NUDCD1: variants seen among roughly 807,000 people sequenced by gnomAD.
NUDCD1 encodes the protein NudC domain containing 1, also known as nudC domain-containing protein 1.
NUDCD1 carries 60 observed loss-of-function variants against 67.8 expected under a neutral mutation model. The ratio of observed to expected loss-of-function variants is 0.88; its 90% CI spans 0.72 to 1.10. The LOEUF (loss-of-function observed/expected upper bound fraction) is 1.10. NUDCD1 is among the 50% of genes least tolerant of loss of function. The probability of loss-of-function intolerance (pLI) is 0.00; values close to 1 mark genes in which losing one functional copy is unlikely to be tolerated. For synonymous variants in NUDCD1, 244 were observed against 230.8 expected, an observed-to-expected ratio of 1.06 and a Z score of -0.52; for missense variants, 643 against 695.0, an observed-to-expected ratio of 0.93 and a Z score of 0.84.
intron 7 of NUDCD1, among the ~76,000 whole-genome samples, chr8:109,272,089 A>C (rs1331638540): frequency 6.6e-6 from 1 of 152,130 alleles, no homozygotes; most frequent in Non-Finnish European, 1.5e-5. Flanking sequence ...TGAAAATGTC[A>C]ATCAACACAA....
chr8:109,256,773 A>G (rs970258237), intron 8 of NUDCD1, among the ~76,000 whole-genome samples: 1 of 152,152 alleles, frequency 6.6e-6, no homozygotes, highest in Non-Finnish European at 1.5e-5. Flanking sequence ...ACTGCAAGGG[A>G]AACATCTTTT....
chr8:109,311,420 G>C (rs560362063), intron 2 of NUDCD1, among the ~76,000 whole-genome samples: 33 of 151,738 alleles, frequency 2.2e-4, no homozygotes, highest in Admixed American at 3.9e-4. Flanking sequence ...CCCACTACTG[G>C]GTATCTACCC....
intron 4 of NUDCD1, among the ~76,000 whole-genome samples, chr8:109,291,912 G>A (rs1814721071): frequency 6.6e-6 from 1 of 152,062 alleles, no homozygotes; most frequent in Admixed American, 6.6e-5. Flanking sequence ...GCATGACAAT[G>A]TCTCCTGTAA....
Position 109,275,374 on chromosome 8 carries a change from A to G in NUDCD1, c.1151T>C (p.Met384Thr), listed in dbSNP as rs1814258193. Reference sequence around the variant, plus strand: ...TACCAGTTCTTCAGAGGTCAAATGCATCAAACGTTCAGCTATTGCAGCACA... The same window carrying G: ...TACCAGTTCTTCAGAGGTCAAATGCGTCAAACGTTCAGCTATTGCAGCACA... ...AQCAAIAERL[M>T]HLTSEELNPN... Residue 384 changes from methionine to threonine, a missense_variant, in exon 7 of 10, where the codon ATG (methionine) becomes ACG (threonine). Met to Thr is a moderately conservative substitution (Grantham distance 81, BLOSUM62 -1). Transcript: ENST00000239690. 5 of 1,613,364 alleles carry G rather than the reference A, an allele frequency of 3.1e-6. No homozygotes were observed. The highest frequency in any genetic ancestry group is 3.3e-5 in the Admixed American group (2 of 59,934).
intron 1 of NUDCD1, among the ~76,000 whole-genome samples, chr8:109,332,789 A>C (rs1398648187): frequency 6.6e-6 from 1 of 152,184 alleles, no homozygotes. Context: ...AAAAGGAAAA[A>C]AATAAAAAGA....
chr8:109,258,299 T>G (rs1411475196), intron 8 of NUDCD1, among the ~76,000 whole-genome samples: 2 of 152,156 alleles, frequency 1.3e-5, no homozygotes, highest in Non-Finnish European at 2.9e-5. Flanking sequence ...ACTGCACTGC[T>G]ATGTCACCCT....
chr8:109,314,732 T>C (rs996186301), intron 2 of NUDCD1, among the ~76,000 whole-genome samples: 2 of 152,100 alleles, frequency 1.3e-5, no homozygotes, highest in African/African-American at 4.8e-5. Flanking sequence ...TCAATATAGA[T>C]GTAATATAAA....
chr8:109,331,816 T>C (rs559894779), intron 1 of NUDCD1, among the ~76,000 whole-genome samples: 31 of 152,338 alleles, frequency 2.0e-4, no homozygotes, highest in Admixed American at 1.4e-3. Flanking sequence ...CTGAGTTTTA[T>C]TTTATATTGT....
chr8:109,256,013 C>T (rs553753708), intron 8 of NUDCD1, among the ~76,000 whole-genome samples: 1 of 151,930 alleles, frequency 6.6e-6, no homozygotes, highest in East Asian at 1.9e-4. Flanking sequence ...GAGTCTGATA[C>T]CTGCTTGGGC....
intron 8 of NUDCD1, among the ~76,000 whole-genome samples, chr8:109,261,688 T>C (rs771514194): frequency 1.3e-5 from 2 of 152,080 alleles, no homozygotes; most frequent in African/African-American, 2.4e-5. Flanking sequence ...CACAAAAACA[T>C]TGATTCATTG....
chr8:109,311,440 G>T (rs987753071), intron 2 of NUDCD1, among the ~76,000 whole-genome samples: 1 of 151,740 alleles, frequency 6.6e-6, no homozygotes, highest in Non-Finnish European at 1.5e-5. Context: ...CAGAGGAAAA[G>T]AAGTCATTAT....
intron 2 of NUDCD1, chr8:109,315,182 T>A (rs893904537): frequency 7.9e-6 from 1 of 127,236 alleles, no homozygotes; most frequent in African/African-American, 2.6e-5. Context: ...TACCCCACTC[T>A]TTATTTTTTT....
At chr8:109,251,771 C>A (rs1057236297) in intron 8 of NUDCD1, among the ~76,000 whole-genome samples, 13 of 152,094 alleles carry the variant, frequency 8.5e-5, no homozygotes, top group African/African-American at 2.9e-4. Context: ...CCACTTTTAT[C>A]CTTACAGTGT....
At chr8:109,323,499 T>C (rs1815589783) in intron 1 of NUDCD1, among the ~76,000 whole-genome samples, 1 of 152,048 alleles carries the variant, frequency 6.6e-6, no homozygotes, top group African/African-American at 2.4e-5. Flanking sequence ...ATATAAATCT[T>C]AAATAATTTT....
chr8:109,311,372 A>G (rs1023085154), intron 2 of NUDCD1, among the ~76,000 whole-genome samples: 3 of 152,030 alleles, frequency 2.0e-5, no homozygotes, highest in African/African-American at 7.3e-5. Flanking sequence ...AAGATTCCTT[A>G]AAGAACTAAA....
At chr8:109,278,959 G>A (rs893220655) in intron 6 of NUDCD1, among the ~76,000 whole-genome samples, 3 of 152,132 alleles carry the variant, frequency 2.0e-5, no homozygotes, top group South Asian at 4.2e-4. Flanking sequence ...CAGGCAGATC[G>A]CTTGAGGTCA....
Position 109,250,760 on chromosome 8 carries a change from T to C in NUDCD1, c.1300-5279A>G, listed in dbSNP as rs3116094. Among the ~76,000 whole-genome samples the C allele has an allele frequency of 0.022, 3,342 of 150,402 alleles. 244 individuals carry two copies. The East Asian group carries it at 0.27, about 12-fold the overall frequency. On this transcript the variant is annotated intron_variant, in intron 8 of 9. Coordinates refer to ENST00000239690, the MANE Select transcript of NUDCD1 (RefSeq NM_032869.4). ...TTCTTTAGTCTGTTGATATGGTGAA[T>C]TATACTGATTGATGATATTTGAATA... is the stretch of plus-strand genomic sequence containing the variant.
At chr8:109,294,955 CAATT>C (rs1439399620) in intron 3 of NUDCD1, among the ~76,000 whole-genome samples, 2 of 152,056 alleles carry the variant, frequency 1.3e-5, no homozygotes, top group Non-Finnish European at 2.9e-5. Flanking sequence ...CCTCCCACCT[CAATT>C]AATCCCCAAG....
chr8:109,276,526 C>A (rs1039653060), intron 6 of NUDCD1, among the ~76,000 whole-genome samples: 3 of 152,192 alleles, frequency 2.0e-5, no homozygotes, highest in Admixed American at 6.5e-5. Flanking sequence ...CTGTTACAAT[C>A]ACTACCTTAT....
Sources: allele counts gnomAD v4.1 joint callset (sites outside exome capture counted in the v4.1 genomes callset), GRCh38; gene constraint gnomAD v4.1.1; transcripts MANE v1.5; gene names NCBI Gene and HGNC (gene_info 2026-07-23, HGNC 2026-07-21).